DLGAP2: variants seen among roughly 807,000 people sequenced by gnomAD.
DLGAP2 encodes the protein disks large-associated protein 2.
Under a neutral mutation model 100.3 loss-of-function variants are expected in DLGAP2, and 26 were observed. The observed-to-expected ratio is 0.26, with a 90% CI of 0.19 to 0.36. DLGAP2 has a LOEUF of 0.36. Among genes scored for constraint, DLGAP2 ranks in the 10% least tolerant of loss-of-function variants. The pLI is 1.00. For synonymous variants in DLGAP2, 886 were observed against 630.1 expected (o/e 1.41, Z -6.08); for missense variants, 1,858 against 1,453.2 (o/e 1.28, Z -4.53).
intron 2 of DLGAP2, among the ~76,000 whole-genome samples, chr8:922,150 T>C (rs1384919971): frequency 6.6e-6 from 1 of 152,174 alleles, no homozygotes; most frequent in East Asian, 1.9e-4. Flanking sequence ...GCGCCGAGTT[T>C]TTGGTGTTTT....
intron 2 of DLGAP2, among the ~76,000 whole-genome samples, chr8:1,237,488 C>T (rs369649470): frequency 6.8e-6 from 1 of 147,360 alleles, no homozygotes; most frequent in Non-Finnish European, 1.5e-5. Flanking sequence ...CTAGTTCTCT[C>T]TCACACATAG....
In DLGAP2 at chr8:1,626,279, G is replaced by A. The variant is rs2469670; in HGVS notation, c.1443-461G>A. ...CTCACCCTCTGGGTGTGGGTTGGACGGCTGTTCCCATCTCTGCCCTGTGGT... is the reference window on the plus strand; with the variant it reads ...CTCACCCTCTGGGTGTGGGTTGGACAGCTGTTCCCATCTCTGCCCTGTGGT... On this transcript the variant is annotated intron_variant, in intron 6 of 14. Coordinates refer to ENST00000637795, the MANE Select transcript of DLGAP2 (RefSeq NM_001346810.2). 1.1e-4 allele frequency among the ~76,000 whole-genome samples: 14 copies of A among 125,310 alleles called. 1 individual carries two copies. Among genetic ancestry groups the A allele is most frequent in the African/African-American group, 2.0e-4 (6 of 29,782 alleles). 82.2% of individuals were successfully genotyped at this position (125,310 alleles called of 152,430 possible). A position where few individuals can be genotyped will look rare whatever the true frequency, so the allele number is the denominator to read the frequency against.
intron 6 of DLGAP2, among the ~76,000 whole-genome samples, chr8:1,592,421 C>T (rs190825713): frequency 1.3e-5 from 2 of 151,986 alleles, no homozygotes; most frequent in Admixed American, 1.3e-4. Context: ...TTGACTTTAC[C>T]CCTGTGTTTC....
intron 1 of DLGAP2, among the ~76,000 whole-genome samples, chr8:792,613 A>G (rs1000724097): frequency 6.6e-6 from 1 of 152,236 alleles, no homozygotes; most frequent in African/African-American, 2.4e-5. Context: ...AAAATGCAAC[A>G]CAATACCAAC....
intron 2 of DLGAP2, among the ~76,000 whole-genome samples, chr8:1,196,712 G>A (rs950793250): frequency 3.3e-5 from 5 of 152,112 alleles, no homozygotes; most frequent in Admixed American, 6.5e-5. Context: ...CCAAGCAGCC[G>A]CACGTTGTCA....
At chr8:1,073,240 A>C (rs879321145) in intron 2 of DLGAP2, among the ~76,000 whole-genome samples, 2 of 152,234 alleles carry the variant, frequency 1.3e-5, no homozygotes, top group Admixed American at 1.3e-4. Flanking sequence ...GGAACATATC[A>C]ATTTATATAT....
intron 3 of DLGAP2, among the ~76,000 whole-genome samples, chr8:1,316,432 A>C (rs867609541): frequency 1.9e-3 from 211 of 110,790 alleles, no homozygotes; most frequent in Middle Eastern, 6.8e-3. Context: ...GCGTCTCTCC[A>C]ACAGTGGTCT....
chr8:1,082,715 C>T (rs1314123586), intron 2 of DLGAP2, among the ~76,000 whole-genome samples: 1 of 152,186 alleles, frequency 6.6e-6, no homozygotes, highest in Non-Finnish European at 1.5e-5. Flanking sequence ...AGAGGGTGTG[C>T]ACTCTTTTCT....
At chr8:1,327,638 A>G (rs1801051813) in intron 3 of DLGAP2, among the ~76,000 whole-genome samples, 1 of 152,068 alleles carries the variant, frequency 6.6e-6, no homozygotes, top group Non-Finnish European at 1.5e-5. Flanking sequence ...AGGTCAGGAG[A>G]TCGAGACCAT....
chr8:1,344,120 G>GCCCTGTCGTGAGTCCGTGTACTCGGGT (rs1563094983), intron 3 of DLGAP2, among the ~76,000 whole-genome samples: 9 of 109,678 alleles, frequency 8.2e-5, no homozygotes, highest in Non-Finnish European at 1.1e-4. Context: ...TGTATTCGGG[G>GCCCTGTCGTGAGTCCGTGTACTCGGGT]CCCTGTCGTG....
At chr8:1,512,953 G>A (rs1800224366) in intron 4 of DLGAP2, among the ~76,000 whole-genome samples, 1 of 152,286 alleles carries the variant, frequency 6.6e-6, no homozygotes, top group Non-Finnish European at 1.5e-5. Flanking sequence ...AGCGGAGAAA[G>A]ATGGGAGAGG....
At chr8:1,234,741 G>A (rs1406163495) in intron 2 of DLGAP2, among the ~76,000 whole-genome samples, 5 of 152,156 alleles carry the variant, frequency 3.3e-5, no homozygotes, top group Admixed American at 6.5e-5. Flanking sequence ...CCCTTTCTGG[G>A]AACTCATAGG....
chr8:967,358 T>C (rs1230948958), intron 2 of DLGAP2, among the ~76,000 whole-genome samples: 1 of 152,238 alleles, frequency 6.6e-6, no homozygotes, highest in African/African-American at 2.4e-5. Flanking sequence ...TTGAGAATTC[T>C]GTGCCGCTTA....
intron 2 of DLGAP2, among the ~76,000 whole-genome samples, chr8:1,228,499 T>G (rs1275789041): frequency 2.6e-5 from 4 of 152,174 alleles, no homozygotes; most frequent in Admixed American, 2.6e-4. Flanking sequence ...TACAATGACA[T>G]CATAAGAAAC....
chr8:1,553,801 C>T (rs572413846), intron 5 of DLGAP2, among the ~76,000 whole-genome samples: 50 of 152,152 alleles, frequency 3.3e-4, no homozygotes, highest in Non-Finnish European at 6.3e-4. Context: ...TTTTGTAGGC[C>T]GTGCAGATCC....
At chr8:1,127,981 A>G (rs1240087544) in intron 2 of DLGAP2, among the ~76,000 whole-genome samples, 2 of 152,250 alleles carry the variant, frequency 1.3e-5, no homozygotes, top group African/African-American at 4.8e-5. Context: ...ATTTAAATGT[A>G]AAACAAAGTA....
intron 1 of DLGAP2, among the ~76,000 whole-genome samples, chr8:889,818 A>G (rs987653069): frequency 6.6e-6 from 1 of 152,224 alleles, no homozygotes; most frequent in African/African-American, 2.4e-5. Context: ...CTGTAGGCTT[A>G]AGCAGATTCC....
intron 1 of DLGAP2, among the ~76,000 whole-genome samples, chr8:853,853 C>G (rs191275323): frequency 1.3e-5 from 2 of 152,078 alleles, no homozygotes; most frequent in Non-Finnish European, 2.9e-5. Context: ...AGGTTTGTCC[C>G]CCAGATTCAT....
chr8:1,111,928 A>G (rs1804970341), intron 2 of DLGAP2, among the ~76,000 whole-genome samples: 1 of 152,170 alleles, frequency 6.6e-6, no homozygotes, highest in Non-Finnish European at 1.5e-5. Context: ...ACCCGCTAAT[A>G]GAATTGCTGG....
Sources: gnomAD v4.1 joint callset for allele counts (sites outside exome capture counted in the v4.1 genomes callset) on GRCh38, gnomAD v4.1.1 for gene constraint, MANE v1.5 for transcripts, NCBI Gene and HGNC (gene_info 2026-07-23, HGNC 2026-07-21) for gene names.